PJVK: variants seen among roughly 807,000 people sequenced by gnomAD.
PJVK encodes the protein pejvakin, also known as autosomal recessive deafness type 59 protein.
PJVK carries 33 observed loss-of-function variants against 37.6 expected under a neutral mutation model. The observed-to-expected ratio is 0.88, with a 90% confidence interval of 0.67 to 1.17. The LOEUF is 1.17. Ranked by LOEUF, PJVK falls within the 50% of genes most tolerant of loss-of-function variation. The pLI is 0.00. For synonymous variants in PJVK, 141 were observed against 143.5 expected, an observed-to-expected ratio of 0.98 and a Z score of 0.13; for missense variants, 410 against 413.8, an observed-to-expected ratio of 0.99 and a Z score of 0.08.
chr2:178,451,440 T>G lies in PJVK; in HGVS notation c.-352T>G. On this transcript the variant is annotated 5_prime_UTR_variant, in exon 1 of 7. Coordinates refer to ENST00000644580, the MANE Select transcript of PJVK (RefSeq NM_001042702.5). ...TTTGTCCTTAGCAGGAGGCCGTTTC[T>G]TGCCGGGAGAGAGGGATTAGAGGGA... 1 of 202,824 alleles carries G rather than the reference T, an allele frequency of 4.9e-6. No homozygotes were observed. The highest frequency in any genetic ancestry group is 1.0e-5 in the Non-Finnish European group (1 of 99,024). 12.6% of individuals were successfully genotyped at this position (202,824 alleles called of 1,614,324 possible). A position where few individuals can be genotyped will look rare whatever the true frequency, so the allele number is the denominator to read the frequency against.
In PJVK at chr2:178,457,062, G is replaced by A. The variant is rs906406802; in HGVS notation, c.549+911G>A. On this transcript the variant is annotated intron_variant, in intron 4 of 6. Coordinates refer to ENST00000644580, the MANE Select transcript of PJVK (RefSeq NM_001042702.5). ...TGGCTCACTGCAAACTCCGCCTCCC[G>A]GGTTCATGCCATTCTTCTGCCTCAG... 2.6e-5 allele frequency among the ~76,000 whole-genome samples: 4 copies of A among 151,936 alleles called. No homozygotes were observed. In the East Asian group the frequency reaches 5.8e-4, roughly 22 times the overall value.
Position 178,461,656 on chromosome 2 carries a change from C to T in PJVK, c.*382C>T, listed in dbSNP as rs191941268. Among the ~76,000 whole-genome samples, 3 of 146,400 alleles carry T rather than the reference C, an allele frequency of 2.0e-5. No individual in the cohort carries two copies. In the East Asian group the frequency reaches 6.3e-4, roughly 31 times the overall value. The stretch of plus-strand genomic sequence containing the variant: ...CTGGAGTACAGTGGCATGATCTCAG[C>T]TCACTGCAACCTCTGCCTCCTGGGT... On this transcript the variant is annotated 3_prime_UTR_variant, in exon 7 of 7. Coordinates refer to ENST00000644580, the MANE Select transcript of PJVK (RefSeq NM_001042702.5).
intron 3 of PJVK, chr2:178,454,853 G>A: frequency 1.9e-6 from 2 of 1,074,002 alleles, no homozygotes; most frequent in South Asian, 2.5e-5. Flanking sequence ...ACTCCCCAGG[G>A]AAGCAGAAGA....
At position 178,455,186 on chromosome 2, in the gene PJVK, G is replaced by T; in HGVS notation, c.407+659G>T. 4 of 1,590,924 alleles carry T rather than the reference G, an allele frequency of 2.5e-6. No individual in the cohort carries two copies. In the South Asian group the frequency reaches 4.4e-5, roughly 18 times the overall value. On this transcript the variant is annotated intron_variant, in intron 3 of 6. Transcript: ENST00000644580. Reference sequence around the variant, plus strand: ...GCATCTGGAGAAGATCAAGAAGATGGAGTGGTGGAGCCGCTTGGTGTCCAG... The same window carrying T: ...GCATCTGGAGAAGATCAAGAAGATGTAGTGGTGGAGCCGCTTGGTGTCCAG...
rs2154126353 is a variant in PJVK at position 178,461,095 on chromosome 2, C to G, written c.880C>G (p.His294Asp). 6.2e-7 allele frequency: 1 copy of G among 1,614,114 alleles called. No homozygotes were observed. Among genetic ancestry groups the G allele is most frequent in the Non-Finnish European group, 8.5e-7 (1 of 1,180,020 alleles). The stretch of plus-strand genomic sequence containing the variant: ...TGATATTTCACTCAAAGAAGGGACC[C>G]ATATCCGAGTTAACTTACTTAATCA... ...MTDISLKEGT[H>D]IRVNLLNHNI... The change falls in exon 7 of 7, where the codon CAT becomes GAT. Residue 294 changes from histidine to aspartate, a missense_variant. By Grantham distance (81) the His-to-Asp change is moderately conservative. Transcript: ENST00000644580.
In PJVK at chr2:178,456,112, A is replaced by G; in HGVS notation, c.510A>G (p.Ser170=). ...MESIRTTRQC[S]LSVHAGIRGE... ...GCATCCGAACCACACGACAGTGCTC[A>G]CTGTCTGTGCATGCTGGAATTCGAG... The change falls in exon 4 of 7, where the codon TCA becomes TCG. Residue 170 remains serine, a synonymous_variant. Coordinates refer to ENST00000644580, the MANE Select transcript of PJVK (RefSeq NM_001042702.5). 6.2e-7 allele frequency: 1 copy of G among 1,614,190 alleles called. No individual in the cohort carries two copies. Among genetic ancestry groups the G allele is most frequent in the Non-Finnish European group, 8.5e-7 (1 of 1,180,024 alleles).
chr2:178,455,855 T>C (rs1459088494), intron 3 of PJVK, among the ~76,000 whole-genome samples, 155 bp from the exon 4 acceptor site: 2 of 152,254 alleles, frequency 1.3e-5, no homozygotes, highest in Non-Finnish European at 2.9e-5. Flanking sequence ...AGACAAATTA[T>C]TACATTTCTT....
intron 1 of PJVK, chr2:178,452,865 A>G (rs1018048935): frequency 6.2e-6 from 1 of 161,494 alleles, no homozygotes; most frequent in East Asian, 1.9e-4. Context: ...TATAAGATGG[A>G]AAATGAATGA....
intron 3 of PJVK, chr2:178,455,152 G>A: frequency 6.2e-7 from 1 of 1,601,062 alleles, no homozygotes; most frequent in African/African-American, 1.3e-5. Context: ...ACGGCAAGGT[G>A]GTGACTGTGC....
intron 4 of PJVK, among the ~76,000 whole-genome samples, chr2:178,456,797 C>CA (rs923345189): frequency 3.9e-4 from 57 of 145,646 alleles, no homozygotes; most frequent in African/African-American, 1.2e-3. Context: ...AAACCCCAAC[C>CA]AAAAAAAAAA....
intron 5 of PJVK, among the ~76,000 whole-genome samples, chr2:178,459,466 G>A (rs1418996547): frequency 6.6e-6 from 1 of 152,020 alleles, no homozygotes; most frequent in African/African-American, 2.4e-5. Flanking sequence ...TTTGATACGG[G>A]CATACAGTGC....
chr2:178,452,440 A>C (rs1323851408), intron 1 of PJVK: 1 of 985,232 alleles, frequency 1.0e-6, no homozygotes, highest in Non-Finnish European at 1.2e-6. Context: ...CTCTCCGTCT[A>C]TATATGTATG....
At chr2:178,460,566 G>A (rs1028797191) in intron 6 of PJVK, 120 bp downstream of exon 6, 2 of 955,256 alleles carry the variant, frequency 2.1e-6, no homozygotes, top group African/African-American at 1.7e-5. Flanking sequence ...AAGCCTGGCT[G>A]GTATGGTGGC....
At position 178,456,152 on chromosome 2, in the gene PJVK, G is replaced by T; in HGVS notation, c.549+1G>T. ...TGGAATTCGAGGGGAAGCAATGCGG[G>T]TAAACCACACTTGTTGGGTTCTCTT... On this transcript the variant is annotated splice_donor_variant, in intron 4 of 6. Coordinates refer to ENST00000644580, the MANE Select transcript of PJVK (RefSeq NM_001042702.5). LOFTEE classifies it high-confidence loss of function. 6.2e-7 allele frequency: 1 copy of T among 1,613,772 alleles called. No homozygotes were observed.
At chr2:178,455,257 G>C in intron 3 of PJVK, 3 of 1,510,368 alleles carry the variant, frequency 2.0e-6, no homozygotes, top group Non-Finnish European at 2.8e-6. Flanking sequence ...AGAATTCCAA[G>C]CTGTCAGACC....
intron 4 of PJVK, among the ~76,000 whole-genome samples, chr2:178,458,162 A>C (rs972996057): frequency 6.6e-6 from 1 of 152,090 alleles, no homozygotes; most frequent in African/African-American, 2.4e-5. Context: ...GGAATGGTAG[A>C]CAGGCTAGGC....
At chr2:178,455,430 C>T in intron 3 of PJVK, 2 of 1,366,476 alleles carry the variant, frequency 1.5e-6, no homozygotes, top group South Asian at 1.2e-5. Context: ...TTCAACTAGC[C>T]CCTGTTTTTC....
intron 1 of PJVK, chr2:178,452,527 T>C (rs1697751133): frequency 1.0e-6 from 1 of 985,412 alleles, no homozygotes. Context: ...TCACAATATA[T>C]GAACTCCGCA....
Position 178,456,128 on chromosome 2 carries a change from G to A in PJVK, c.526G>A (p.Gly176Arg). The A allele has an allele frequency of 6.2e-7, 1 of 1,614,076 alleles. No homozygotes were observed. Among genetic ancestry groups the A allele is most frequent in the Non-Finnish European group, 8.5e-7 (1 of 1,179,990 alleles). Residue 176 changes from glycine (G) to arginine (R), a missense_variant, in exon 4 of 7, where the codon GGA (glycine) becomes AGA (arginine). Physicochemically the swap from Gly to Arg is moderately radical, Grantham distance 125. Transcript: ENST00000644580. ...TRQCSLSVHAGIRGEAMRFHF... is the reference protein window; with the variant it reads ...TRQCSLSVHARIRGEAMRFHF... ...ACAGTGCTCACTGTCTGTGCATGCTGGAATTCGAGGGGAAGCAATGCGGGT... is the reference window on the plus strand; with the variant it reads ...ACAGTGCTCACTGTCTGTGCATGCTAGAATTCGAGGGGAAGCAATGCGGGT...
Sources: allele counts gnomAD v4.1 joint callset (sites outside exome capture counted in the v4.1 genomes callset), GRCh38; gene constraint gnomAD v4.1.1; transcripts MANE v1.5; gene names NCBI Gene and HGNC (gene_info 2026-07-23, HGNC 2026-07-21).